Variants in MDGA2 observed in about 807,000 individuals in gnomAD.
MDGA2 encodes MAM domain-containing glycosylphosphatidylinositol anchor protein 2.
In MDGA2, 40 loss-of-function variants were observed where a neutral mutation model predicts 117.8. That is an observed-to-expected ratio of 0.34 (90% confidence interval 0.26 to 0.44). MDGA2 has a LOEUF of 0.44. MDGA2 is among the 20% of genes least tolerant of loss of function. The pLI, the probability that MDGA2 is intolerant of heterozygous loss-of-function variation, is 1.00. For synonymous variants in MDGA2, 452 were observed against 439.0 expected (o/e 1.03, Z -0.37); for missense variants, 1,123 against 1,250.6 (o/e 0.90, Z 1.54).
chr14:47,137,631 C>T (rs1333180300), intron 4 of MDGA2, among the ~76,000 whole-genome samples: 1 of 152,160 alleles, frequency 6.6e-6, no homozygotes, highest in Non-Finnish European at 1.5e-5. Context: ...CATCATGCTT[C>T]CTGTACAGTC....
intron 1 of MDGA2, among the ~76,000 whole-genome samples, chr14:47,327,736 C>T (rs35631796): frequency 0.1 from 15,964 of 152,064 alleles, 1,081 homozygotes; most frequent in Non-Finnish European, 0.16. Flanking sequence ...TGTGTATTTC[C>T]ATGATTTTAA....
At chr14:47,084,299 T>C (rs190369600) in intron 6 of MDGA2, among the ~76,000 whole-genome samples, 1 of 152,178 alleles carries the variant, frequency 6.6e-6, no homozygotes, top group East Asian at 1.9e-4. Flanking sequence ...AAATAATCTA[T>C]GGGTCAAAGA....
At chr14:46,889,653 A>C (rs1219791663) in intron 10 of MDGA2, among the ~76,000 whole-genome samples, 1 of 152,068 alleles carries the variant, frequency 6.6e-6, no homozygotes, top group Non-Finnish European at 1.5e-5. Context: ...AAGTTCCTTG[A>C]GCCTAACATC....
At chr14:47,155,920 T>C (rs1883365608) in intron 3 of MDGA2, among the ~76,000 whole-genome samples, 1 of 77,194 alleles carries the variant, frequency 1.3e-5, no homozygotes, top group African/African-American at 5.3e-5. Context: ...TTTTTTTTTT[T>C]TTTTTTTTTT....
intron 5 of MDGA2, among the ~76,000 whole-genome samples, chr14:47,118,887 C>T (rs1168171549): frequency 2.0e-5 from 3 of 151,942 alleles, no homozygotes; most frequent in Non-Finnish European, 2.9e-5. Context: ...GCATGCACCA[C>T]CATACCTGGA....
intron 1 of MDGA2, among the ~76,000 whole-genome samples, chr14:47,543,092 T>C (rs1895385267): frequency 6.6e-6 from 1 of 152,074 alleles, no homozygotes; most frequent in African/African-American, 2.4e-5. Flanking sequence ...ACATCTGTAG[T>C]CCCAGCTACT....
chr14:47,506,207 T>C (rs1473061519), intron 1 of MDGA2, among the ~76,000 whole-genome samples: 1 of 152,070 alleles, frequency 6.6e-6, no homozygotes, highest in African/African-American at 2.4e-5. Context: ...GACATCCAAA[T>C]GGGCTAACCA....
At chr14:47,403,183 C>T (rs1301785526) in intron 1 of MDGA2, among the ~76,000 whole-genome samples, 6 of 152,158 alleles carry the variant, frequency 3.9e-5, no homozygotes, top group Non-Finnish European at 8.8e-5. Context: ...TCTAATTTCC[C>T]CCAATCCTAT....
chr14:46,846,252 C>A (rs964920728), intron 15 of MDGA2, among the ~76,000 whole-genome samples: 2 of 152,072 alleles, frequency 1.3e-5, no homozygotes, highest in Non-Finnish European at 2.9e-5. Context: ...TAACTCATAA[C>A]ATTAGTTTTC....
Position 47,497,385 on chromosome 14 carries a change from T to C in MDGA2, c.280+177132A>G, listed in dbSNP as rs534810949. Among the ~76,000 whole-genome samples, 6 of 152,224 alleles carry C rather than the reference T, an allele frequency of 3.9e-5. No homozygotes were observed. In the South Asian group the frequency reaches 1.2e-3, roughly 32 times the overall value. On this transcript the variant is annotated intron_variant, in intron 1 of 16. Transcript: ENST00000399232. ...AATTCTCCTGCCTCAGTCTCCTGAG[T>C]AACTGAGATTACAGGCATGCACCAC...
chr14:46,844,982 C>A (rs1281031588), intron 16 of MDGA2, among the ~76,000 whole-genome samples: 3 of 152,148 alleles, frequency 2.0e-5, no homozygotes, highest in Non-Finnish European at 2.9e-5. Flanking sequence ...CCCGCGTTCA[C>A]GCCAATCTCC....
intron 1 of MDGA2, among the ~76,000 whole-genome samples, chr14:47,578,395 A>G (rs537421216): frequency 4.6e-5 from 7 of 152,292 alleles, no homozygotes; most frequent in African/African-American, 1.7e-4. Flanking sequence ...CTGCACTTGT[A>G]TCTTGGAACT....
chr14:47,516,008 T>A (rs1180024470), intron 1 of MDGA2, among the ~76,000 whole-genome samples: 1 of 152,192 alleles, frequency 6.6e-6, no homozygotes, highest in Non-Finnish European at 1.5e-5. Flanking sequence ...AATGAGACTC[T>A]TTATTTCTAA....
intron 8 of MDGA2, among the ~76,000 whole-genome samples, chr14:46,995,395 T>TA (rs1397633111): frequency 6.6e-6 from 1 of 152,162 alleles, no homozygotes; most frequent in African/African-American, 2.4e-5. Flanking sequence ...TAATATAAAT[T>TA]AAAGGTTGAA....
intron 6 of MDGA2, among the ~76,000 whole-genome samples, chr14:47,073,831 C>T (rs959058742): frequency 1.1e-4 from 17 of 152,252 alleles, no homozygotes; most frequent in Non-Finnish European, 1.5e-4. Context: ...AGCTTTCAAT[C>T]ACTCTAGACA....
chr14:46,882,962 T>G (rs2138393966), intron 10 of MDGA2, among the ~76,000 whole-genome samples: 1 of 152,008 alleles, frequency 6.6e-6, no homozygotes, highest in African/African-American at 2.4e-5. Flanking sequence ...TTGTAATATG[T>G]TAAAAGAAGA....
intron 1 of MDGA2, among the ~76,000 whole-genome samples, chr14:47,621,258 C>T (rs1451235016): frequency 6.6e-6 from 1 of 152,118 alleles, no homozygotes; most frequent in Non-Finnish European, 1.5e-5. Context: ...TTAGGAATTA[C>T]TATTCTCCCT....
At chr14:47,400,758 C>CTTTT (rs570103742) in intron 1 of MDGA2, among the ~76,000 whole-genome samples, 5 of 66,212 alleles carry the variant, frequency 7.6e-5, no homozygotes, top group Admixed American at 2.2e-4. Flanking sequence ...CTTTTCTTTT[C>CTTTT]TTTTTTTTTT....
intron 1 of MDGA2, among the ~76,000 whole-genome samples, chr14:47,665,567 A>T (rs2024914): frequency 6.6e-6 from 1 of 152,164 alleles, no homozygotes; most frequent in Non-Finnish European, 1.5e-5. Context: ...TGCGCTGGGC[A>T]CTTGTGGGCC....
Sources: gnomAD v4.1 joint callset for allele counts (sites outside exome capture counted in the v4.1 genomes callset) on GRCh38, gnomAD v4.1.1 for gene constraint, MANE v1.5 for transcripts, NCBI Gene and HGNC (gene_info 2026-07-23, HGNC 2026-07-21) for gene names.